SPOCK2: variants seen among roughly 807,000 people sequenced by gnomAD.
The protein encoded by SPOCK2 is testican-2.
A neutral mutation model predicts 60.1 loss-of-function variants in SPOCK2; 39 were observed. That is an observed-to-expected ratio of 0.65 (90% confidence interval 0.50 to 0.85). The LOEUF (loss-of-function observed/expected upper bound fraction) is 0.85. SPOCK2 is among the 40% of genes least tolerant of loss of function. The pLI is 0.00. For synonymous variants in SPOCK2, 217 were observed against 231.5 expected, an observed-to-expected ratio of 0.94 and a Z score of 0.57; for missense variants, 523 against 567.4, an observed-to-expected ratio of 0.92 and a Z score of 0.80.
intron 1 of SPOCK2, among the ~76,000 whole-genome samples, chr10:72,078,059 G>A (rs1840737696): frequency 6.6e-6 from 1 of 152,198 alleles, no homozygotes; most frequent in African/African-American, 2.4e-5. Context: ...GTGAGTAGGT[G>A]AAAAGGATTT....
At chr10:72,088,010 T>C in intron 1 of SPOCK2, 130 bp downstream of exon 1, 1 of 1,197,252 alleles carries the variant, frequency 8.4e-7, no homozygotes, top group Non-Finnish European at 1.2e-6. Context: ...CTGTTTACTT[T>C]CCGTGTAATT....
At position 72,067,720 on chromosome 10, in the gene SPOCK2, C is replaced by A; in HGVS notation, c.602G>T (p.Gly201Val). The change falls in exon 7 of 11, where the codon GGT (glycine) becomes GTT (valine). Residue 201 changes from glycine (G) to valine (V), a missense_variant. By Grantham distance (109) the Gly-to-Val change is moderately radical. Coordinates refer to ENST00000373109, the MANE Select transcript of SPOCK2 (RefSeq NM_001244950.2). ...ATCTCCCAGGTCAGCCAGGTCCTGA[C>A]CGGTGCAAGTCTCTGCAGAACAGAG... Reference protein sequence around the residue: ...TADGKPETCTGQDLADLGDRL... With the variant: ...TADGKPETCTVQDLADLGDRL... The A allele has an allele frequency of 6.2e-7, 1 of 1,613,510 alleles. No individual in the cohort carries two copies. The highest frequency in any genetic ancestry group is 8.5e-7 in the Non-Finnish European group (1 of 1,179,844).
chr10:72,076,281 G>A (rs1202515363), intron 1 of SPOCK2, among the ~76,000 whole-genome samples: 7 of 152,160 alleles, frequency 4.6e-5, no homozygotes, highest in East Asian at 3.9e-4. Context: ...GTGGGCTGGC[G>A]CCACCTTTAA....
intron 8 of SPOCK2, 28 bp downstream of exon 8, chr10:72,066,874 A>T: frequency 6.2e-7 from 1 of 1,613,052 alleles, no homozygotes; most frequent in Non-Finnish European, 8.5e-7. Flanking sequence ...CGGGTGAGGC[A>T]GGGGCCTGGG....
chr10:72,080,661 T>C (rs2131821606), intron 1 of SPOCK2, among the ~76,000 whole-genome samples: 1 of 151,930 alleles, frequency 6.6e-6, no homozygotes, highest in Non-Finnish European at 1.5e-5. Context: ...TACTTGAGCC[T>C]CTCTTGGAGG....
Position 72,066,978 on chromosome 10 carries a change from G to C in SPOCK2, c.852C>G (p.Pro284=). ...NLDKYEVCIR[P]FFNSCDTYKD... ...TGTAGGTGTCACAGGAGTTGAAGAA[G>C]GGACGGATGCAGACCTCGTACTTGT... The change falls in exon 8 of 11, where the codon CCC becomes CCG. Residue 284 remains proline (P), a synonymous_variant. Coordinates refer to ENST00000373109, the MANE Select transcript of SPOCK2 (RefSeq NM_001244950.2). 6.2e-7 allele frequency: 1 copy of C among 1,614,226 alleles called. No individual in the cohort carries two copies.
intron 1 of SPOCK2, 136 bp downstream of exon 1, chr10:72,088,004 T>C (rs989274259): frequency 8.6e-7 from 1 of 1,159,546 alleles, no homozygotes; most frequent in African/African-American, 1.5e-5. Flanking sequence ...CCAGTACTGT[T>C]TACTTTCCGT....
chr10:72,064,457 G>A (rs1840541156), intron 8 of SPOCK2, among the ~76,000 whole-genome samples: 1 of 152,194 alleles, frequency 6.6e-6, no homozygotes, highest in African/African-American at 2.4e-5. Flanking sequence ...CACAGCTGTG[G>A]ATGACCTGAG....
chr10:72,068,089 T>C, intron 6 of SPOCK2, 98 bp downstream of exon 6: 4 of 1,388,144 alleles, frequency 2.9e-6, no homozygotes, highest in Non-Finnish European at 4.0e-6. Context: ...GCCACTTCCC[T>C]CTTGCTCTGC....
chr10:72,086,622 G>C, intron 1 of SPOCK2: 1 of 1,205,632 alleles, frequency 8.3e-7, no homozygotes, highest in African/African-American at 1.6e-5. Context: ...TGGGCCTGCA[G>C]GTGCTTCGGG....
intron 5 of SPOCK2, chr10:72,070,086 G>T: frequency 2.0e-6 from 1 of 502,142 alleles, no homozygotes; most frequent in Non-Finnish European, 3.6e-6. Context: ...ACCTGCACCT[G>T]TCCGAGGTCA....
chr10:72,065,770 G>A (rs914684179), intron 8 of SPOCK2, among the ~76,000 whole-genome samples: 1 of 152,180 alleles, frequency 6.6e-6, no homozygotes, highest in African/African-American at 2.4e-5. Flanking sequence ...CAGTCAGAGT[G>A]GTGAAACAGA....
Position 72,088,246 on chromosome 10 carries a change from C to A in SPOCK2, c.83G>T (p.Gly28Val). Residue 28 changes from glycine to valine, a missense_variant, in exon 1 of 11, where the codon GGG becomes GTG. Physicochemically the swap from Gly to Val is moderately radical, Grantham distance 109. Transcript: ENST00000373109. ...AAALAEGDAK[G>V]LKEGETPGNF... ...GCCGGGGGTCTCGCCCTCCTTGAGC[C>A]CCTTGGCGTCGCCTTCGGCCAGGGC... The A allele has an allele frequency of 6.2e-7, 1 of 1,611,010 alleles. No homozygotes were observed. Among genetic ancestry groups the A allele is most frequent in the Non-Finnish European group, 8.5e-7 (1 of 1,179,440 alleles).
At position 72,062,970 on chromosome 10, in the gene SPOCK2, G is replaced by A. The variant is rs983444996; in HGVS notation, c.1129+55C>T. ...TGGCACGCACCCCCCAGCATCCCAC[G>A]ACAAGGGCCCCCAGGCCTGGGCCCC... On this transcript the variant is annotated intron_variant, in intron 10 of 10. Transcript: ENST00000373109. This position sits in a 1 kb window ranked among gnomAD's most constrained non-coding sequence, Gnocchi z 4.3. 10 of 1,580,800 alleles carry A rather than the reference G, an allele frequency of 6.3e-6. No individual in the cohort carries two copies. Among genetic ancestry groups the A allele is most frequent in the South Asian group, 5.7e-5 (5 of 87,112 alleles).
Position 72,067,685 on chromosome 10 carries a change from C to T in SPOCK2, c.637G>A (p.Asp213Asn). ...TTCTCATGAAGGAGCTGGAACCAGT[C>T]CCGCAGCCGATCTCCCAGGTCAGCC... Reference protein sequence around the residue: ...DLADLGDRLRDWFQLLHENSK... With the variant: ...DLADLGDRLRNWFQLLHENSK... The change falls in exon 7 of 11, where the codon GAC (aspartate) becomes AAC (asparagine). Residue 213 changes from aspartate (D) to asparagine (N), a missense_variant. By Grantham distance (23) the Asp-to-Asn change is conservative. Coordinates refer to ENST00000373109, the MANE Select transcript of SPOCK2 (RefSeq NM_001244950.2). The T allele has an allele frequency of 6.2e-7, 1 of 1,613,906 alleles. No homozygotes were observed.
intron 1 of SPOCK2, among the ~76,000 whole-genome samples, chr10:72,084,277 G>C: frequency 6.6e-6 from 1 of 152,212 alleles, no homozygotes; most frequent in East Asian, 1.9e-4. Context: ...CCCTGGCAAG[G>C]TGCCTTCACA....
intron 1 of SPOCK2, among the ~76,000 whole-genome samples, chr10:72,076,232 A>G (rs1840713640): frequency 6.6e-6 from 1 of 152,176 alleles, no homozygotes; most frequent in South Asian, 2.1e-4. Flanking sequence ...CTCTGAGGGT[A>G]AAACTCAAGG....
At position 72,071,666 on chromosome 10, in the gene SPOCK2, G is replaced by A. The variant is rs561202822; in HGVS notation, c.359+478C>T. ...ATACTACATCAAGGCCCAAAAAGGA[G>A]ATGTGACTTTCCCTGCATCCCACAG... On this transcript the variant is annotated intron_variant, in intron 4 of 10. Coordinates refer to ENST00000373109, the MANE Select transcript of SPOCK2 (RefSeq NM_001244950.2). 4.6e-5 allele frequency among the ~76,000 whole-genome samples: 7 copies of A among 152,336 alleles called. No homozygotes were observed. In the South Asian group the frequency reaches 1.2e-3, roughly 27 times the overall value.
In SPOCK2 at chr10:72,060,967, C is replaced by CCA. The variant is rs1425284842; in HGVS notation, c.*1791_*1792dup. ...CCCAGAGAGCCTCACTGCATTGACC[C>CCA]CACACCCACCACTCACCCAGCACAC... On this transcript the variant is annotated 3_prime_UTR_variant, in exon 11 of 11. Coordinates refer to ENST00000373109, the MANE Select transcript of SPOCK2 (RefSeq NM_001244950.2). The CCA allele has an allele frequency of 5.9e-5, 9 of 152,622 alleles. No individual in the cohort carries two copies. The highest frequency in any genetic ancestry group is 5.9e-4 in the Admixed American group (9 of 15,294). 9.5% of individuals were successfully genotyped at this position (152,622 alleles called of 1,614,324 possible).
Sources: gnomAD v4.1 joint callset for allele counts (sites outside exome capture counted in the v4.1 genomes callset) on GRCh38, gnomAD v4.1.1 for gene constraint, Gnocchi (gnomAD v3.1) non-coding constraint, MANE v1.5 for transcripts, NCBI Gene and HGNC (gene_info 2026-07-23, HGNC 2026-07-21) for gene names.